The following NXPH1 variants were observed in gnomAD, a reference collection of about 807,000 sequenced individuals.
NXPH1 encodes neurexophilin-1.
In NXPH1, 5 loss-of-function variants were observed where a neutral mutation model predicts 23.7. The ratio of observed to expected loss-of-function variants is 0.21; its 90% CI spans 0.11 to 0.44. NXPH1 has a LOEUF of 0.44. Among genes scored for constraint, NXPH1 ranks in the 20% least tolerant of loss-of-function variants. The pLI is 0.99. For synonymous variants in NXPH1, 144 were observed against 122.2 expected (o/e 1.18, Z -1.18); for missense variants, 324 against 321.6 (o/e 1.01, Z -0.06).
At chr7:8,483,875 T>C (rs1225591074) in intron 2 of NXPH1, among the ~76,000 whole-genome samples, 1 of 152,106 alleles carries the variant, frequency 6.6e-6, no homozygotes, top group African/African-American at 2.4e-5. Context: ...CTTTATTAAC[T>C]TTCCTTTTAT....
At chr7:8,503,787 T>C (rs992777131) in intron 2 of NXPH1, among the ~76,000 whole-genome samples, 7 of 151,980 alleles carry the variant, frequency 4.6e-5, no homozygotes, top group Non-Finnish European at 8.8e-5. Flanking sequence ...CTGCTGCCCA[T>C]TTAAGGTCCG....
chr7:8,507,582 A>G (rs1415027232), intron 2 of NXPH1, among the ~76,000 whole-genome samples: 1 of 152,150 alleles, frequency 6.6e-6, no homozygotes, highest in East Asian at 1.9e-4. Context: ...GTATAAAAGC[A>G]GGATTTTACC....
chr7:8,741,749 G>C (rs1018758761), intron 2 of NXPH1, among the ~76,000 whole-genome samples: 1 of 152,050 alleles, frequency 6.6e-6, no homozygotes, highest in Non-Finnish European at 1.5e-5. Context: ...TGTAAGAAAG[G>C]AATCTCTGAG....
At chr7:8,626,789 G>A (rs116532629) in intron 2 of NXPH1, among the ~76,000 whole-genome samples, 241 of 152,066 alleles carry the variant, frequency 1.6e-3, no homozygotes, top group African/African-American at 5.7e-3. Context: ...TCTCCCATGC[G>A]ATGTGGTGTT....
intron 2 of NXPH1, among the ~76,000 whole-genome samples, chr7:8,569,647 CTA>C (rs2128621900): frequency 6.6e-6 from 1 of 151,916 alleles, no homozygotes; most frequent in Non-Finnish European, 1.5e-5. Context: ...ACACTCATCT[CTA>C]TTTTTGTGTG....
intron 2 of NXPH1, among the ~76,000 whole-genome samples, chr7:8,720,726 T>C (rs1019774231): frequency 2.0e-5 from 3 of 152,234 alleles, no homozygotes; most frequent in African/African-American, 4.8e-5. Context: ...TGATTTTGCA[T>C]AGTACAATAA....
intron 2 of NXPH1, among the ~76,000 whole-genome samples, chr7:8,475,019 C>A (rs1412140764): frequency 6.6e-6 from 1 of 152,166 alleles, no homozygotes. Context: ...CTGGATATCA[C>A]CCCTACTTGT....
rs1282629074 is a variant in NXPH1 at position 8,435,067 on chromosome 7, C to T, written c.-111+312C>T. 4 of 153,384 alleles carry T rather than the reference C, an allele frequency of 2.6e-5. No individual in the cohort carries two copies. The highest frequency in any genetic ancestry group is 9.6e-5 in the African/African-American group (4 of 41,462). 9.5% of individuals were successfully genotyped at this position (153,384 alleles called of 1,614,324 possible). A position where few individuals can be genotyped will look rare whatever the true frequency, so the allele number is the denominator to read the frequency against. On this transcript the variant is annotated intron_variant, in intron 1 of 2. Transcript: ENST00000405863. The surrounding 1 kb of genome is among the most constrained non-coding windows in gnomAD (Gnocchi z 5.9). ...GCATTCTCTTTCCCCACCCCCACTT[C>T]ACCGAACGTGTTGAGGTACCTAGCA...
intron 2 of NXPH1, among the ~76,000 whole-genome samples, chr7:8,548,100 C>T (rs549840391): frequency 1.3e-5 from 2 of 151,672 alleles, no homozygotes; most frequent in Non-Finnish European, 3.0e-5. Context: ...TACATTCCCA[C>T]CAACAGTGTA....
chr7:8,623,782 T>C (rs1819930054), intron 2 of NXPH1, among the ~76,000 whole-genome samples: 1 of 145,440 alleles, frequency 6.9e-6, no homozygotes, highest in East Asian at 1.9e-4. Context: ...TTTATTTGTA[T>C]TCTATCTGTA....
intron 2 of NXPH1, among the ~76,000 whole-genome samples, chr7:8,694,977 C>T (rs958272916): frequency 6.6e-6 from 1 of 152,056 alleles, no homozygotes. Context: ...TATTTTAAAA[C>T]CAAGTATTAG....
intron 2 of NXPH1, among the ~76,000 whole-genome samples, chr7:8,675,582 C>A (rs1820939210): frequency 6.6e-6 from 1 of 152,126 alleles, no homozygotes; most frequent in Non-Finnish European, 1.5e-5. Flanking sequence ...CATGGCCTTT[C>A]TTCCAAGTTA....
intron 2 of NXPH1, among the ~76,000 whole-genome samples, chr7:8,637,047 T>C (rs918118980): frequency 2.6e-5 from 4 of 152,216 alleles, no homozygotes; most frequent in Middle Eastern, 3.2e-3. Context: ...AATCCTTTTG[T>C]GTACATTTTG....
At chr7:8,642,391 T>G (rs554722993) in intron 2 of NXPH1, among the ~76,000 whole-genome samples, 1 of 152,218 alleles carries the variant, frequency 6.6e-6, no homozygotes, top group Non-Finnish European at 1.5e-5. Flanking sequence ...CTCTCAAAGC[T>G]TTTAAGACTT....
At chr7:8,481,868 C>T (rs1447773787) in intron 2 of NXPH1, among the ~76,000 whole-genome samples, 1 of 152,182 alleles carries the variant, frequency 6.6e-6, no homozygotes, top group Non-Finnish European at 1.5e-5. Flanking sequence ...TTGTTACCAT[C>T]CAAATGACTT....
chr7:8,672,570 G>A (rs1290848123), intron 2 of NXPH1, among the ~76,000 whole-genome samples: 2 of 151,916 alleles, frequency 1.3e-5, no homozygotes, highest in Non-Finnish European at 2.9e-5. Flanking sequence ...ATCCAATACA[G>A]TCTTGTCTAA....
intron 2 of NXPH1, among the ~76,000 whole-genome samples, chr7:8,549,812 T>C (rs1262435409): frequency 6.6e-6 from 1 of 151,546 alleles, no homozygotes; most frequent in Non-Finnish European, 1.5e-5. Context: ...TACCCATTTA[T>C]ACATTTTAGC....
chr7:8,532,103 T>C (rs977401110), intron 2 of NXPH1, among the ~76,000 whole-genome samples: 1 of 152,102 alleles, frequency 6.6e-6, no homozygotes, highest in Non-Finnish European at 1.5e-5. Flanking sequence ...GCTTCCTCTC[T>C]AGCAAATGAA....
intron 2 of NXPH1, among the ~76,000 whole-genome samples, chr7:8,517,708 C>T (rs548554223): frequency 8.5e-5 from 13 of 152,178 alleles, no homozygotes; most frequent in East Asian, 5.8e-4. Flanking sequence ...AATGGTGGAG[C>T]GGAGGTCAGG....
Sources: gnomAD v4.1 joint callset for allele counts (sites outside exome capture counted in the v4.1 genomes callset) on GRCh38, gnomAD v4.1.1 for gene constraint, Gnocchi (gnomAD v3.1) non-coding constraint, MANE v1.5 for transcripts, NCBI Gene and HGNC (gene_info 2026-07-23, HGNC 2026-07-21) for gene names.